RASGEF1A: variants seen among roughly 807,000 people sequenced by gnomAD.
The protein encoded by RASGEF1A is ras-GEF domain-containing family member 1A.
A neutral mutation model predicts 56.4 loss-of-function variants in RASGEF1A; 18 were observed. That is an observed-to-expected ratio of 0.32 (90% confidence interval 0.22 to 0.47). The LOEUF is 0.47. Among genes scored for constraint, RASGEF1A ranks in the 20% least tolerant of loss-of-function variants. The pLI is 1.00. For synonymous variants in RASGEF1A, 245 were observed against 242.6 expected (o/e 1.01, Z -0.09); for missense variants, 422 against 627.1 (o/e 0.67, Z 3.49).
At chr10:43,209,233 TGAA>T in intron 1 of RASGEF1A, 1 of 984,452 alleles carries the variant, frequency 1.0e-6, no homozygotes, top group Non-Finnish European at 1.2e-6. Flanking sequence ...AGGCTACAGT[TGAA>T]GAATCCCAGT....
At chr10:43,237,133 T>TG (rs1388875139) in intron 1 of RASGEF1A, among the ~76,000 whole-genome samples, 75 of 151,602 alleles carry the variant, frequency 4.9e-4, no homozygotes, top group African/African-American at 1.8e-3. Flanking sequence ...CTAGCCTTGT[T>TG]GGGGGTCTCA....
chr10:43,223,442 T>C (rs1229514477), intron 1 of RASGEF1A, among the ~76,000 whole-genome samples: 1 of 152,196 alleles, frequency 6.6e-6, no homozygotes, highest in Non-Finnish European at 1.5e-5. Context: ...AAAAATAACC[T>C]TTATAGGAAA....
At chr10:43,214,611 C>T (rs1221384413) in intron 1 of RASGEF1A, among the ~76,000 whole-genome samples, 4 of 152,162 alleles carry the variant, frequency 2.6e-5, no homozygotes, top group Admixed American at 1.3e-4. Context: ...GGGACAGAGT[C>T]TCCTGCACAG....
intron 1 of RASGEF1A, among the ~76,000 whole-genome samples, chr10:43,220,265 C>T (rs1256049133): frequency 4.6e-5 from 7 of 152,150 alleles, no homozygotes; most frequent in African/African-American, 9.7e-5. Flanking sequence ...TTTAGGAAGC[C>T]GAGGTGGAGG....
At chr10:43,265,783 G>A (rs920092885) in intron 1 of RASGEF1A, among the ~76,000 whole-genome samples, 1 of 152,266 alleles carries the variant, frequency 6.6e-6, no homozygotes, top group African/African-American at 2.4e-5. Context: ...GGGCACCGAG[G>A]TGGACAGGCT....
At chr10:43,266,278 T>A (rs1836621205) in intron 1 of RASGEF1A, among the ~76,000 whole-genome samples, 2 of 152,212 alleles carry the variant, frequency 1.3e-5, no homozygotes, top group Middle Eastern at 3.4e-3. Flanking sequence ...GTCCTTCAAA[T>A]GACCCTTGCC....
At chr10:43,229,541 C>T (rs958744212) in intron 1 of RASGEF1A, 9 of 1,094,072 alleles carry the variant, frequency 8.2e-6, no homozygotes, top group Admixed American at 5.3e-5. Flanking sequence ...CCCTCCCGCA[C>T]GGGTCGGGAT....
intron 1 of RASGEF1A, among the ~76,000 whole-genome samples, chr10:43,220,067 G>A (rs1840187571): frequency 6.6e-6 from 1 of 152,168 alleles, no homozygotes; most frequent in Non-Finnish European, 1.5e-5. Context: ...CCCATGCCGT[G>A]GACACAGGCA....
At chr10:43,253,864 C>T (rs2043669618) in intron 1 of RASGEF1A, among the ~76,000 whole-genome samples, 1 of 152,244 alleles carries the variant, frequency 6.6e-6, no homozygotes, top group Non-Finnish European at 1.5e-5. Flanking sequence ...ATCTGTGGGA[C>T]TTTTTTGCAG....
intron 1 of RASGEF1A, among the ~76,000 whole-genome samples, chr10:43,220,917 CCT>C (rs745465297): frequency 5.7e-4 from 87 of 152,212 alleles, no homozygotes; most frequent in Non-Finnish European, 1.1e-3. Context: ...GCCAGGCATC[CCT>C]GAGACCCAAC....
At chr10:43,214,857 C>T (rs543619744) in intron 1 of RASGEF1A, among the ~76,000 whole-genome samples, 3 of 152,168 alleles carry the variant, frequency 2.0e-5, no homozygotes, top group African/African-American at 4.8e-5. Flanking sequence ...CATCTCAATG[C>T]AATTCTCCCT....
intron 1 of RASGEF1A, among the ~76,000 whole-genome samples, chr10:43,243,357 G>A (rs143403898): frequency 0.043 from 6,496 of 150,166 alleles, 229 homozygotes; most frequent in Admixed American, 0.1. Flanking sequence ...GGAAGTGGGC[G>A]CCTCTGCCCA....
chr10:43,220,591 C>G (rs1840194285), intron 1 of RASGEF1A, among the ~76,000 whole-genome samples: 1 of 152,004 alleles, frequency 6.6e-6, no homozygotes, highest in Non-Finnish European at 1.5e-5. Flanking sequence ...CAAGACCAGC[C>G]CGACCAACAT....
At chr10:43,250,524 G>A (rs925550724) in intron 1 of RASGEF1A, among the ~76,000 whole-genome samples, 4 of 152,344 alleles carry the variant, frequency 2.6e-5, no homozygotes, top group East Asian at 1.9e-4. Flanking sequence ...CCCCCAGGCC[G>A]AGTGAATCAG....
intron 1 of RASGEF1A, among the ~76,000 whole-genome samples, chr10:43,254,656 TG>T (rs1840667548): frequency 6.6e-6 from 1 of 152,036 alleles, no homozygotes; most frequent in East Asian, 1.9e-4. Context: ...AGGTGGGGGC[TG>T]GGAGTCCATA....
At chr10:43,262,295 G>A (rs1226683015) in intron 1 of RASGEF1A, among the ~76,000 whole-genome samples, 1 of 152,180 alleles carries the variant, frequency 6.6e-6, no homozygotes, top group Non-Finnish European at 1.5e-5. Flanking sequence ...ACCAGATCCA[G>A]GGAGAACTCT....
intron 1 of RASGEF1A, among the ~76,000 whole-genome samples, chr10:43,237,249 G>A (rs1410573900): frequency 2.6e-5 from 4 of 152,054 alleles, no homozygotes; most frequent in Non-Finnish European, 4.4e-5. Context: ...CAAGGAGAGA[G>A]GCTTCTGTCT....
chr10:43,232,829 C>A (rs542865979), intron 1 of RASGEF1A, among the ~76,000 whole-genome samples: 1 of 152,308 alleles, frequency 6.6e-6, no homozygotes, highest in Non-Finnish European at 1.5e-5. Context: ...CTACTACACT[C>A]GCAAAGGCTC....
At position 43,264,829 on chromosome 10, in the gene RASGEF1A, T is replaced by TG. The variant is rs573233221; in HGVS notation, c.-7+2015dup. ...CCACCAGCCCCTCTCCTGAGGACAGTGGGGGGGCCAAACCCCCTGCCCCCA... is the reference window on the plus strand; with the variant it reads ...CCACCAGCCCCTCTCCTGAGGACAGTGGGGGGGGCCAAACCCCCTGCCCCCA... On this transcript the variant is annotated intron_variant, in intron 1 of 12. Transcript: ENST00000395810. Among the ~76,000 whole-genome samples, 509 of 152,028 alleles carry TG rather than the reference T, an allele frequency of 3.3e-3. 2 individuals carry two copies. The highest frequency in any genetic ancestry group is 0.012 in the African/African-American group (477 of 41,478).
Sources: gnomAD v4.1 joint callset for allele counts (sites outside exome capture counted in the v4.1 genomes callset) on GRCh38, gnomAD v4.1.1 for gene constraint, MANE v1.5 for transcripts, NCBI Gene and HGNC (gene_info 2026-07-23, HGNC 2026-07-21) for gene names.